Variants in SLC52A3 observed in about 807,000 individuals in gnomAD.
The protein encoded by SLC52A3 is solute carrier family 52 member 3, also known as solute carrier family 52, riboflavin transporter, member 3.
SLC52A3 carries 20 observed loss-of-function variants against 29.5 expected under a neutral mutation model. The observed-to-expected ratio is 0.68, with a 90% CI of 0.48 to 0.99. SLC52A3 has a LOEUF of 0.99. SLC52A3 is among the 50% of genes least tolerant of loss of function. The probability of loss-of-function intolerance (pLI) is 0.00; values close to 1 mark genes in which losing one functional copy is unlikely to be tolerated. For missense variants in SLC52A3, 548 were observed against 612.9 expected (o/e 0.89, Z 1.12); for synonymous variants, 301 against 271.0 (o/e 1.11, Z -1.09).
intron 4 of SLC52A3, 190 bp downstream of exon 4, chr20:761,511 G>A (rs1341483701): frequency 9.5e-6 from 8 of 838,178 alleles, no homozygotes; most frequent in Non-Finnish European, 1.5e-5. Flanking sequence ...GGTGGGAAGA[G>A]GCCTACCAGT....
intron 4 of SLC52A3, 147 bp from the exon 5 acceptor site, chr20:761,385 C>T (rs1199826463): frequency 5.1e-6 from 5 of 989,860 alleles, no homozygotes; most frequent in South Asian, 1.7e-5. Flanking sequence ...GCGGGGCCGA[C>T]GGGTCCCATG....
At position 763,844 on chromosome 20, in the gene SLC52A3, G is replaced by T. The variant is rs1287029928; in HGVS notation, c.727C>A (p.Arg243Ser). 6 of 1,614,010 alleles carry T rather than the reference G, an allele frequency of 3.7e-6. No homozygotes were observed. Among genetic ancestry groups the T allele is most frequent in the Non-Finnish European group, 5.1e-6 (6 of 1,180,026 alleles). ...GAAGCCTCCCAGCACCTGGGTTGAC[G>T]CTGGAGGACAAAGAACGCCACGAGG... is the stretch of plus-strand genomic sequence containing the variant. ...CCLVAFFVLQ[R>S]QPRCWEASVE... Residue 243 changes from arginine to serine, a missense_variant, in exon 3 of 5, where the codon CGT (arginine) becomes AGT (serine). By Grantham distance (110) the Arg-to-Ser change is moderately radical. Around this residue, in one of 2 missense-constraint regions of SLC52A3, gnomAD observed 375 missense variants for 471.1 expected, o/e 0.80. Transcript: ENST00000645534.
chr20:771,800 T>C (rs1843200221), upstream of SLC52A3, among the ~76,000 whole-genome samples: 1 of 152,026 alleles, frequency 6.6e-6, no homozygotes. Context: ...CTCTAATTCA[T>C]AAAGGAGTCA....
rs1195024412 is a variant in SLC52A3, at chr20:761,232, A to T, written c.1204T>A (p.Ser402Thr). ...HWGGEVLIVA[S>T]WVLFSGCLSY... ...AGGCAGCCGCTGAAAAGCACCCACG[A>T]GGCCACCTGCGGGGCCGGGAGGGAA... is the stretch of plus-strand genomic sequence containing the variant. The change falls in exon 5 of 5, where the codon TCG (serine) becomes ACG (threonine). Residue 402 changes from serine (S) to threonine (T), a missense_variant. Physicochemically the swap from Ser to Thr is moderately conservative, Grantham distance 58. This residue lies in a region of SLC52A3 where 173 missense variants were observed against 141.8 expected (regional missense o/e 1.22). Transcript: ENST00000645534. The T allele has an allele frequency of 3.9e-6, 6 of 1,549,586 alleles. No homozygotes were observed. Among genetic ancestry groups the T allele is most frequent in the Non-Finnish European group, 5.2e-6 (6 of 1,146,966 alleles).
At chr20:761,606 C>G in intron 4 of SLC52A3, 95 bp downstream of exon 4, 1 of 1,563,482 alleles carries the variant, frequency 6.4e-7, no homozygotes, top group Non-Finnish European at 8.7e-7. Context: ...CCCACAGACC[C>G]CGCTCGCTGG....
chr20:770,694 C>A (rs1986821139), upstream of SLC52A3, among the ~76,000 whole-genome samples: 1 of 152,174 alleles, frequency 6.6e-6, no homozygotes, highest in Non-Finnish European at 1.5e-5. This position sits in a 1 kb window ranked among gnomAD's most constrained non-coding sequence, Gnocchi z 4.5. Context: ...ACGACTAAAA[C>A]CAGAATGCTA....
upstream of SLC52A3, among the ~76,000 whole-genome samples, chr20:772,942 C>T (rs1986892212): frequency 6.6e-6 from 1 of 152,152 alleles, no homozygotes; most frequent in Admixed American, 6.5e-5. Context: ...TGCTCTGTCC[C>T]AGAAGTGGAT....
chr20:760,712 C>T lies in SLC52A3; in HGVS notation c.*314G>A. ...AAGGTCACACAGCCTGAAGGGACAG[C>T]CGGCTGTCCCAGCTGTTTCCCTTCT... is the stretch of plus-strand genomic sequence containing the variant. On this transcript the variant is annotated 3_prime_UTR_variant, in exon 5 of 5. Coordinates refer to ENST00000645534, the MANE Select transcript of SLC52A3 (RefSeq NM_033409.4). This position sits in a 1 kb window ranked among gnomAD's most constrained non-coding sequence, Gnocchi z 4.9. 2.5e-6 allele frequency: 1 copy of T among 406,832 alleles called. No homozygotes were observed. The highest frequency in any genetic ancestry group is 4.5e-6 in the Non-Finnish European group (1 of 224,542). The allele number at this position is 406,832 out of a possible 1,614,324, so 25.2% of individuals were successfully genotyped here.
intron 1 of SLC52A3, among the ~76,000 whole-genome samples, chr20:773,885 A>C (rs1207521853): frequency 2.6e-5 from 4 of 152,184 alleles, no homozygotes; most frequent in African/African-American, 9.7e-5. Context: ...GGGCTGGGCC[A>C]TCTCCTCCAG....
At chr20:766,511 C>A (rs1434099724) in intron 1 of SLC52A3, among the ~76,000 whole-genome samples, 2 of 152,166 alleles carry the variant, frequency 1.3e-5, no homozygotes, top group Non-Finnish European at 2.9e-5. Context: ...GTGAAAATGG[C>A]CGGTTCCTGC....
chr20:761,885 CA>C (rs1986503043), intron 3 of SLC52A3, 61 bp from the exon 4 acceptor site: 1 of 1,610,504 alleles, frequency 6.2e-7, no homozygotes, highest in African/African-American at 1.3e-5. Context: ...CCCCCCGCCC[CA>C]CTGGGCGGCA....
At position 765,279 on chromosome 20, in the gene SLC52A3, A is replaced by G. The variant is rs775417209; in HGVS notation, c.496T>C (p.Cys166Arg). ...ALAQGSGLTT[C>R]VNVTEISDSV... is the part of the protein sequence containing the mutation. ...TCTGATATCTCAGTGACATTGACGC[A>G]GGTAGTGAGACCGGAGCCCTGGGCA... Residue 166 changes from cysteine to arginine, a missense_variant, in exon 2 of 5, where the codon TGC (cysteine) becomes CGC (arginine). Physicochemically the swap from Cys to Arg is radical, Grantham distance 180. This residue lies in a region of SLC52A3 where 375 missense variants were observed against 471.1 expected (regional missense o/e 0.80). Coordinates refer to ENST00000645534, the MANE Select transcript of SLC52A3 (RefSeq NM_033409.4). This position sits in a 1 kb window ranked among gnomAD's most constrained non-coding sequence, Gnocchi z 6.6. The G allele has an allele frequency of 1.2e-6, 2 of 1,614,166 alleles. No individual in the cohort carries two copies. Among genetic ancestry groups the G allele is most frequent in the Non-Finnish European group, 8.5e-7 (1 of 1,180,020 alleles).
chr20:778,734 T>A (rs1167265949), upstream of SLC52A3, among the ~76,000 whole-genome samples: 4 of 151,720 alleles, frequency 2.6e-5, no homozygotes, highest in African/African-American at 4.8e-5. Flanking sequence ...TTCTTCTTTT[T>A]TTTTTTTTTT....
Position 760,646 on chromosome 20 carries a change from T to G in SLC52A3, c.*380A>C, listed in dbSNP as rs1302288888. 4.0e-6 allele frequency: 1 copy of G among 252,782 alleles called. No individual in the cohort carries two copies. The highest frequency in any genetic ancestry group is 7.7e-6 in the Non-Finnish European group (1 of 130,008). The allele number at this position is 252,782 out of a possible 1,614,324, so 15.7% of individuals were successfully genotyped here. On this transcript the variant is annotated 3_prime_UTR_variant, in exon 5 of 5. Coordinates refer to ENST00000645534, the MANE Select transcript of SLC52A3 (RefSeq NM_033409.4). This position sits in a 1 kb window ranked among gnomAD's most constrained non-coding sequence, Gnocchi z 4.9. The stretch of plus-strand genomic sequence containing the variant: ...GGTACTTACTGGAATCCCCACTGCA[T>G]GCATGAAGAAACAGGCACAGAGAAG...
chr20:769,846 G>A (rs534669614), upstream of SLC52A3, among the ~76,000 whole-genome samples: 3 of 152,104 alleles, frequency 2.0e-5, no homozygotes, highest in East Asian at 2.0e-4. Flanking sequence ...GCAGTGAGCC[G>A]AGATCATGCC....
At chr20:779,220 AAAG>A (rs1179604586), upstream of SLC52A3, among the ~76,000 whole-genome samples, 3 of 152,246 alleles carry the variant, frequency 2.0e-5, no homozygotes, top group East Asian at 1.9e-4. Context: ...GGTTGTTTAA[AAAG>A]AAGGATGTTT....
At chr20:771,319 C>T (rs868479081), upstream of SLC52A3, among the ~76,000 whole-genome samples, 2 of 152,068 alleles carry the variant, frequency 1.3e-5, no homozygotes, top group Non-Finnish European at 2.9e-5. Context: ...TCTAGCTACT[C>T]GGGAGGCTGA....
chr20:762,149 G>C (rs1370435818), intron 3 of SLC52A3, among the ~76,000 whole-genome samples: 1 of 152,196 alleles, frequency 6.6e-6, no homozygotes, highest in African/African-American at 2.4e-5. Context: ...GTTTTGCAAG[G>C]CTGCATGACC....
At chr20:779,263 G>C (rs1306021834), upstream of SLC52A3, among the ~76,000 whole-genome samples, 1 of 152,204 alleles carries the variant, frequency 6.6e-6, no homozygotes, top group Non-Finnish European at 1.5e-5. Flanking sequence ...AGGCATGTCA[G>C]AGATTGTGTA....
Sources: allele counts gnomAD v4.1 joint callset (sites outside exome capture counted in the v4.1 genomes callset), GRCh38; gene constraint gnomAD v4.1.1; regional missense constraint gnomAD v4.1.1; non-coding constraint Gnocchi (gnomAD v3.1); transcripts MANE v1.5; gene names NCBI Gene and HGNC (gene_info 2026-07-23, HGNC 2026-07-21).